The following PPP4R3B variants were observed in gnomAD, a reference collection of about 807,000 sequenced individuals.
PPP4R3B encodes serine/threonine-protein phosphatase 4 regulatory subunit 3B.
A neutral mutation model predicts 95.4 loss-of-function variants in PPP4R3B; 52 were observed. The ratio of observed to expected loss-of-function variants is 0.54; its 90% confidence interval spans 0.44 to 0.69. The LOEUF (loss-of-function observed/expected upper bound fraction) is 0.69. Among genes scored for constraint, PPP4R3B ranks in the 30% least tolerant of loss-of-function variants. PPP4R3B has a pLI of 0.00. For synonymous variants in PPP4R3B, 407 were observed against 343.9 expected (o/e 1.18, Z -2.03); for missense variants, 1,003 against 1,005.9 (o/e 1.00, Z 0.04).
At chr2:55,592,698 G>A (rs1022711534) in intron 4 of PPP4R3B, among the ~76,000 whole-genome samples, 2 of 152,094 alleles carry the variant, frequency 1.3e-5, no homozygotes, top group African/African-American at 4.8e-5. Context: ...CTATGGAATA[G>A]CAGAAATATG....
intron 7 of PPP4R3B, among the ~76,000 whole-genome samples, chr2:55,581,988 G>A: frequency 6.6e-6 from 1 of 151,952 alleles, no homozygotes; most frequent in East Asian, 1.9e-4. Flanking sequence ...AAATTCTTTA[G>A]CAGTAGTTCT....
At chr2:55,611,367 T>C (rs1213540377) in intron 2 of PPP4R3B, among the ~76,000 whole-genome samples, 1 of 152,176 alleles carries the variant, frequency 6.6e-6, no homozygotes. Context: ...GTGGGACTGA[T>C]TTGAAGTAAC....
At chr2:55,551,291 T>C (rs1165007109) in intron 16 of PPP4R3B, among the ~76,000 whole-genome samples, 7 of 151,892 alleles carry the variant, frequency 4.6e-5, no homozygotes, top group Admixed American at 1.3e-4. Context: ...GAGGTGGAGA[T>C]TGCACCACTG....
Position 55,585,043 on chromosome 2 carries a change from T to C in PPP4R3B, c.1233+8A>G. The C allele has an allele frequency of 6.3e-7, 1 of 1,596,452 alleles. No individual in the cohort carries two copies. ...TAATTCACATAGAACCACAGCATTATTACTTACGTCATCACTCTGCTGAGC... is the reference window on the plus strand; with the variant it reads ...TAATTCACATAGAACCACAGCATTACTACTTACGTCATCACTCTGCTGAGC... On this transcript the variant is annotated splice_region_variant and intron_variant, in intron 7 of 16. Coordinates refer to ENST00000616407, the MANE Select transcript of PPP4R3B (RefSeq NM_001122964.3).
At chr2:55,564,286 C>T (rs751721216) in intron 15 of PPP4R3B, 27 bp downstream of exon 15, 2 of 1,592,636 alleles carry the variant, frequency 1.3e-6, no homozygotes, top group Admixed American at 3.5e-5. Flanking sequence ...AGAGGGTACA[C>T]TGTGCAAAAA....
intron 12 of PPP4R3B, among the ~76,000 whole-genome samples, chr2:55,570,783 C>T (rs1687895619): frequency 6.6e-6 from 1 of 152,202 alleles, no homozygotes; most frequent in African/African-American, 2.4e-5. Context: ...TAAATGTTAA[C>T]TGTAACACCA....
rs546275396 is a variant in PPP4R3B at position 55,562,128 on chromosome 2, G to C, written c.2260+2185C>G. Among the ~76,000 whole-genome samples the C allele has an allele frequency of 1.1e-4, 17 of 152,232 alleles. No individual in the cohort carries two copies. In the South Asian group the frequency reaches 2.3e-3, roughly 20 times the overall value. ...TCACGAGATCTGGTTGTTTCAAAGT[G>C]TGTGGCACCTCGGCCGGGCTTGGTG... On this transcript the variant is annotated intron_variant, in intron 15 of 16. Coordinates refer to ENST00000616407, the MANE Select transcript of PPP4R3B (RefSeq NM_001122964.3).
chr2:55,577,361 T>C lies in PPP4R3B; in HGVS notation c.1565-5A>G. On this transcript the variant is annotated splice_polypyrimidine_tract_variant and splice_region_variant and intron_variant, in intron 10 of 16. Coordinates refer to ENST00000616407, the MANE Select transcript of PPP4R3B (RefSeq NM_001122964.3). ...TGTTTGATCCAACTATATTATCTAA[T>C]AAAAAAATTAAAAATTAAAATAAAA... 2 of 1,472,354 alleles carry C rather than the reference T, an allele frequency of 1.4e-6. No individual in the cohort carries two copies. The highest frequency in any genetic ancestry group is 1.4e-5 in the South Asian group (1 of 69,536). The allele number at this position is 1,472,354 out of a possible 1,614,324, so 91.2% of individuals were successfully genotyped here.
At chr2:55,606,397 T>A (rs1053056411) in intron 2 of PPP4R3B, among the ~76,000 whole-genome samples, 9 of 152,098 alleles carry the variant, frequency 5.9e-5, no homozygotes, top group African/African-American at 2.2e-4. Flanking sequence ...TTTAAAATTA[T>A]CCTTTGGTAG....
intron 15 of PPP4R3B, among the ~76,000 whole-genome samples, chr2:55,563,993 GTC>G (rs151269597): frequency 0.031 from 4,697 of 152,224 alleles, 100 homozygotes; most frequent in Middle Eastern, 0.13. Flanking sequence ...AAGCTATATG[GTC>G]TCTGTTATTA....
chr2:55,597,938 C>G (rs969522267), intron 4 of PPP4R3B, among the ~76,000 whole-genome samples: 2 of 152,146 alleles, frequency 1.3e-5, no homozygotes, highest in Admixed American at 1.3e-4. Flanking sequence ...AAAGGCTGGG[C>G]TGGGCGCGGT....
At chr2:55,568,933 G>A (rs1687635397) in intron 12 of PPP4R3B, among the ~76,000 whole-genome samples, 2 of 152,132 alleles carry the variant, frequency 1.3e-5, no homozygotes, top group South Asian at 4.1e-4. Flanking sequence ...CCACCCAGGT[G>A]CCGAGGCAAG....
At position 55,598,176 on chromosome 2, in the gene PPP4R3B, C is replaced by T. The variant is rs7589537; in HGVS notation, c.921+240G>A. 3.5e-3 allele frequency among the ~76,000 whole-genome samples: 526 copies of T among 152,184 alleles called. 5 individuals are homozygous for T. Among genetic ancestry groups the T allele is most frequent in the South Asian group, 0.015 (73 of 4,820 alleles). ...CGTAGGTTGCAGTGAGCTGAGATTGCGCCACTGCATTCCAGCCTGGGCGAC... is the reference window on the plus strand; with the variant it reads ...CGTAGGTTGCAGTGAGCTGAGATTGTGCCACTGCATTCCAGCCTGGGCGAC... On this transcript the variant is annotated intron_variant, in intron 4 of 16. Coordinates refer to ENST00000616407, the MANE Select transcript of PPP4R3B (RefSeq NM_001122964.3).
At chr2:55,596,314 G>C (rs1490771700) in intron 4 of PPP4R3B, among the ~76,000 whole-genome samples, 2 of 148,688 alleles carry the variant, frequency 1.3e-5, no homozygotes, top group Non-Finnish European at 3.0e-5. Context: ...ACTAACATCA[G>C]AATTGTTTGA....
intron 1 of PPP4R3B, among the ~76,000 whole-genome samples, chr2:55,615,769 T>C (rs1263403719): frequency 1.4e-5 from 2 of 145,584 alleles, no homozygotes; most frequent in African/African-American, 5.1e-5. Context: ...GGAGAATCGC[T>C]TGAGAGAGAG....
intron 15 of PPP4R3B, 77 bp from the exon 16 acceptor site, chr2:55,559,045 A>C: frequency 8.5e-7 from 1 of 1,182,646 alleles, no homozygotes. Context: ...GCAGTAATTA[A>C]AAAACTTATA....
chr2:55,609,295 T>C (rs1693845577), intron 2 of PPP4R3B, among the ~76,000 whole-genome samples: 2 of 152,168 alleles, frequency 1.3e-5, no homozygotes, highest in South Asian at 2.1e-4. Flanking sequence ...AAGCTGGGAC[T>C]ACTACTGGCA....
chr2:55,599,710 A>C (rs941414646), intron 3 of PPP4R3B, among the ~76,000 whole-genome samples: 1 of 152,198 alleles, frequency 6.6e-6, no homozygotes, highest in Non-Finnish European at 1.5e-5. Context: ...TTTTTCAATA[A>C]AAATTCTCTA....
At position 55,577,361 on chromosome 2, in the gene PPP4R3B, TA is replaced by T. The variant is rs1247799310; in HGVS notation, c.1565-6del. 18 of 1,472,332 alleles carry T rather than the reference TA, an allele frequency of 1.2e-5. No homozygotes were observed. The highest frequency in any genetic ancestry group is 2.4e-5 in the Admixed American group (1 of 41,722). The allele number at this position is 1,472,332 out of a possible 1,614,324, so 91.2% of individuals were successfully genotyped here. A position where few individuals can be genotyped will look rare whatever the true frequency, so the allele number is the denominator to read the frequency against. ...TGTTTGATCCAACTATATTATCTAA[TA>T]AAAAAATTAAAAATTAAAATAAAAT... On this transcript the variant is annotated splice_region_variant and splice_polypyrimidine_tract_variant and intron_variant, in intron 10 of 16. Coordinates refer to ENST00000616407, the MANE Select transcript of PPP4R3B (RefSeq NM_001122964.3).
Sources: gnomAD v4.1 joint callset for allele counts (sites outside exome capture counted in the v4.1 genomes callset) on GRCh38, gnomAD v4.1.1 for gene constraint, MANE v1.5 for transcripts, NCBI Gene and HGNC (gene_info 2026-07-23, HGNC 2026-07-21) for gene names.